The following AGBL4 variants were observed in gnomAD, a reference collection of about 807,000 sequenced individuals.
AGBL4 encodes AGBL carboxypeptidase 4.
AGBL4 carries 58 observed loss-of-function variants against 66.4 expected under a neutral mutation model. The observed-to-expected ratio is 0.87, with a 90% CI of 0.71 to 1.09. The LOEUF (loss-of-function observed/expected upper bound fraction) is 1.09. AGBL4 is among the 50% of genes least tolerant of loss of function. The pLI, the probability that AGBL4 is intolerant of heterozygous loss-of-function variation, is 0.00. For synonymous variants in AGBL4, 234 were observed against 222.9 expected, an observed-to-expected ratio of 1.05 and a Z score of -0.44; for missense variants, 579 against 631.0, an observed-to-expected ratio of 0.92 and a Z score of 0.88.
At chr1:49,045,246 G>T (rs1365047712) in intron 5 of AGBL4, among the ~76,000 whole-genome samples, 1 of 152,168 alleles carries the variant, frequency 6.6e-6, no homozygotes, top group East Asian at 1.9e-4. Flanking sequence ...CCTAGCAAAA[G>T]TCTCCTTTTC....
intron 3 of AGBL4, among the ~76,000 whole-genome samples, chr1:49,460,141 T>C (rs899683565): frequency 6.6e-6 from 1 of 151,528 alleles, no homozygotes; most frequent in Non-Finnish European, 1.5e-5. Flanking sequence ...TTTGTTTCTT[T>C]GTTGACTTTC....
intron 4 of AGBL4, among the ~76,000 whole-genome samples, chr1:49,222,945 C>T (rs1329174682): frequency 2.6e-5 from 4 of 152,008 alleles, no homozygotes; most frequent in Non-Finnish European, 5.9e-5. Flanking sequence ...GGCTGAGCTC[C>T]ACAGACAGTG....
At chr1:48,759,434 T>TCATTTTATAAATGGGGAAA (rs1644136752) in intron 6 of AGBL4, 1 of 1,315,378 alleles carries the variant, frequency 7.6e-7, no homozygotes, top group East Asian at 2.7e-5. Context: ...TCAAAGCCCT[T>TCATTTTATAAATGGGGAAA]CATTTTATAA....
intron 4 of AGBL4, among the ~76,000 whole-genome samples, chr1:49,050,830 T>C (rs1006964950): frequency 6.6e-6 from 1 of 152,100 alleles, no homozygotes; most frequent in African/African-American, 2.4e-5. Context: ...TCAGCATTAG[T>C]ACAATACTTG....
intron 4 of AGBL4, among the ~76,000 whole-genome samples, chr1:49,095,439 A>G (rs547979325): frequency 2.6e-5 from 4 of 152,356 alleles, no homozygotes; most frequent in Non-Finnish European, 5.9e-5. Flanking sequence ...AAACTATACT[A>G]CAAGGCTACA....
At chr1:49,485,716 C>A (rs1262218256) in intron 3 of AGBL4, among the ~76,000 whole-genome samples, 1 of 150,846 alleles carries the variant, frequency 6.6e-6, no homozygotes, top group Non-Finnish European at 1.5e-5. Flanking sequence ...ATAAGCTAAG[C>A]ACAGAAAGAC....
chr1:49,275,485 T>A (rs775193631), intron 3 of AGBL4, among the ~76,000 whole-genome samples: 26 of 152,200 alleles, frequency 1.7e-4, no homozygotes, highest in African/African-American at 2.4e-4. Context: ...AGAGCCTATA[T>A]GGCCAATCAC....
intron 6 of AGBL4, among the ~76,000 whole-genome samples, chr1:48,713,273 T>C (rs1429155043): frequency 1.3e-5 from 2 of 152,126 alleles, no homozygotes; most frequent in Non-Finnish European, 2.9e-5. Flanking sequence ...AGATGGTTCC[T>C]GGGCTGAGAA....
Position 49,487,948 on chromosome 1 carries a change from C to T in AGBL4, c.282+209365G>A, listed in dbSNP as rs557218285. 2.0e-5 allele frequency among the ~76,000 whole-genome samples: 3 copies of T among 151,820 alleles called. 1 individual carries two copies. The East Asian group carries it at 5.8e-4, about 29-fold the overall frequency. Reference sequence around the variant, plus strand: ...CAGGGATAATTGAAACCAAGTGCTCCAATACGTAAACATTAGATTATTTGT... The same window carrying T: ...CAGGGATAATTGAAACCAAGTGCTCTAATACGTAAACATTAGATTATTTGT... On this transcript the variant is annotated intron_variant, in intron 3 of 13. Coordinates refer to ENST00000371839, the MANE Select transcript of AGBL4 (RefSeq NM_032785.4).
At chr1:48,901,777 T>A (rs1036423747) in intron 5 of AGBL4, among the ~76,000 whole-genome samples, 1 of 151,954 alleles carries the variant, frequency 6.6e-6, no homozygotes, top group South Asian at 2.1e-4. Flanking sequence ...GAAGAAGAGA[T>A]TACATAGGGG....
chr1:49,673,095 A>G (rs1646513415), intron 3 of AGBL4, among the ~76,000 whole-genome samples: 1 of 152,206 alleles, frequency 6.6e-6, no homozygotes, highest in African/African-American at 2.4e-5. Context: ...CATGAAACTA[A>G]TAATTCATGT....
intron 6 of AGBL4, chr1:48,776,829 C>G (rs1172771644): frequency 1.3e-5 from 20 of 1,503,018 alleles, no homozygotes; most frequent in Non-Finnish European, 1.8e-5. Flanking sequence ...CAAAGGCGTA[C>G]ATGGTGGGCG....
At chr1:49,597,024 T>C (rs1644865250) in intron 3 of AGBL4, among the ~76,000 whole-genome samples, 1 of 152,232 alleles carries the variant, frequency 6.6e-6, no homozygotes, top group South Asian at 2.1e-4. Flanking sequence ...CCTGCTTTTC[T>C]CAGTAGCCTA....
chr1:49,004,364 G>C (rs1195033992), intron 5 of AGBL4, among the ~76,000 whole-genome samples: 1 of 152,180 alleles, frequency 6.6e-6, no homozygotes, highest in African/African-American at 2.4e-5. Flanking sequence ...AGGTATGATA[G>C]GCATATTAAA....
In AGBL4 at chr1:48,769,526, AACAC is replaced by A. The variant is rs558937968; in HGVS notation, c.634+97661_634+97664del. Among the ~76,000 whole-genome samples, 1,136 of 130,296 alleles carry A rather than the reference AACAC, an allele frequency of 8.7e-3. 9 individuals are homozygous for A. The highest frequency in any genetic ancestry group is 0.025 in the African/African-American group (866 of 34,400). The allele number at this position is 130,296 out of a possible 152,430, so 85.5% of individuals were successfully genotyped here. ...TAGGTCAAGTCCCAGGAGGATTTAAAACACACACACACACACACACACACACACA... is the reference window on the plus strand; with the variant it reads ...TAGGTCAAGTCCCAGGAGGATTTAAAACACACACACACACACACACACACA... On this transcript the variant is annotated intron_variant, in intron 6 of 13. Coordinates refer to ENST00000371839, the MANE Select transcript of AGBL4 (RefSeq NM_032785.4).
At chr1:49,535,351 ATAT>A (rs1651490770) in intron 3 of AGBL4, among the ~76,000 whole-genome samples, 1 of 147,824 alleles carries the variant, frequency 6.8e-6, no homozygotes, top group Non-Finnish European at 1.5e-5. Flanking sequence ...TGACATAATA[ATAT>A]GTTATATTAT....
chr1:48,526,663 T>C, the AGBL4 span, among the ~76,000 whole-genome samples: 1 of 151,658 alleles, frequency 6.6e-6, no homozygotes, highest in African/African-American at 2.4e-5. Flanking sequence ...AGCAGTGGAG[T>C]AGTAATGGGA....
intron 1 of AGBL4, among the ~76,000 whole-genome samples, chr1:49,997,146 G>A (rs1660428659): frequency 6.6e-6 from 1 of 151,660 alleles, no homozygotes; most frequent in Non-Finnish European, 1.5e-5. Context: ...ATAATATAAT[G>A]AAAAAAATGA....
At chr1:48,912,609 C>A (rs17105150) in intron 5 of AGBL4, among the ~76,000 whole-genome samples, 16,918 of 152,140 alleles carry the variant, frequency 0.11, 1,060 homozygotes, top group African/African-American at 0.14. Context: ...GTATGCAAGG[C>A]AGATATCTGG....
Sources: allele counts gnomAD v4.1 joint callset (sites outside exome capture counted in the v4.1 genomes callset), GRCh38; gene constraint gnomAD v4.1.1; transcripts MANE v1.5; gene names NCBI Gene and HGNC (gene_info 2026-07-23, HGNC 2026-07-21).